The following MCF2L2 variants were observed in gnomAD, a reference collection of about 807,000 sequenced individuals.
MCF2L2 encodes probable guanine nucleotide exchange factor MCF2L2.
Under a neutral mutation model 150.2 loss-of-function variants are expected in MCF2L2, and 102 were observed. That is an observed-to-expected ratio of 0.68 (90% CI 0.58 to 0.80). MCF2L2 has a LOEUF of 0.80. Ranked by LOEUF, MCF2L2 falls within the 30% of genes least tolerant of loss-of-function variation. The pLI, the probability that MCF2L2 is intolerant of heterozygous loss-of-function variation, is 0.00. For synonymous variants in MCF2L2, 465 were observed against 491.3 expected (o/e 0.95, Z 0.71); for missense variants, 1,256 against 1,372.8 (o/e 0.91, Z 1.34).
chr3:183,270,731 T>C lies in MCF2L2; in HGVS notation c.1862+6141A>G. ...TTTCTGGAGAGGGTAAAACTCCTTA[T>C]CATCCCTGCATCTATGAAAAAATGA... On this transcript the variant is annotated intron_variant, in intron 15 of 29. Coordinates refer to ENST00000328913, the MANE Select transcript of MCF2L2 (RefSeq NM_015078.4). This position sits in a 1 kb window ranked among gnomAD's most constrained non-coding sequence, Gnocchi z 4.5. The C allele has an allele frequency of 6.2e-7, 1 of 1,613,734 alleles. No homozygotes were observed. Among genetic ancestry groups the C allele is most frequent in the African/African-American group, 1.3e-5 (1 of 74,988 alleles).
At chr3:183,423,031 T>G (rs948919404) in intron 1 of MCF2L2, among the ~76,000 whole-genome samples, 3 of 152,220 alleles carry the variant, frequency 2.0e-5, no homozygotes, top group Admixed American at 6.5e-5. Context: ...TGTCGATCAA[T>G]TTTTTTAGGG....
chr3:183,427,714 C>T (rs1438239333), intron 1 of MCF2L2, among the ~76,000 whole-genome samples, 188 bp downstream of exon 1: 1 of 152,010 alleles, frequency 6.6e-6, no homozygotes, highest in Non-Finnish European at 1.5e-5. Flanking sequence ...CCACCAGCGG[C>T]GCGCCCCAGG....
chr3:183,375,598 T>C (rs368266060), intron 3 of MCF2L2: 4 of 152,164 alleles, frequency 2.6e-5, no homozygotes, highest in East Asian at 1.9e-4. Context: ...TGGGCTCTCA[T>C]AGAGGTCTGC....
rs116440395 is a variant in MCF2L2, at chr3:183,192,555, A to G, written c.3016+444T>C. The G allele has an allele frequency of 4.8e-3, 742 of 154,998 alleles. 3 individuals are homozygous for G. Among genetic ancestry groups the G allele is most frequent in the African/African-American group, 0.017 (720 of 41,676 alleles). 9.6% of individuals were successfully genotyped at this position (154,998 alleles called of 1,614,324 possible). On this transcript the variant is annotated intron_variant, in intron 27 of 29. Transcript: ENST00000328913. ...CTAAGGCTGGCGGGGTGGGGAGCAC[A>G]GACAGCAGGGACACCCTGGACAAGG...
At chr3:183,222,379 G>T (rs528621310) in intron 20 of MCF2L2, among the ~76,000 whole-genome samples, 1 of 152,064 alleles carries the variant, frequency 6.6e-6, no homozygotes, top group Non-Finnish European at 1.5e-5. Context: ...GTGAAACCCC[G>T]TCTCTACTAA....
chr3:183,402,284 A>G (rs1714796727), intron 1 of MCF2L2, among the ~76,000 whole-genome samples: 1 of 127,604 alleles, frequency 7.8e-6, no homozygotes. Context: ...TCTACTAAAA[A>G]TGCAAAAAAA....
At chr3:183,388,969 A>G (rs1713983272) in intron 2 of MCF2L2, among the ~76,000 whole-genome samples, 1 of 152,160 alleles carries the variant, frequency 6.6e-6, no homozygotes, top group Non-Finnish European at 1.5e-5. Flanking sequence ...AACAGATGTA[A>G]AAGTTGAAAA....
At chr3:183,328,545 C>T (rs1047371257) in intron 5 of MCF2L2, among the ~76,000 whole-genome samples, 1 of 150,270 alleles carries the variant, frequency 6.7e-6, no homozygotes, top group African/African-American at 2.4e-5. Flanking sequence ...GCAGCCTACA[C>T]ATTAGTTGTC....
At chr3:183,231,159 C>T in intron 15 of MCF2L2, 142 bp from the exon 16 acceptor site, 1 of 713,178 alleles carries the variant, frequency 1.4e-6, no homozygotes, top group South Asian at 1.5e-5. Context: ...TCAGTTCATT[C>T]TGTTCTATTG....
At chr3:183,350,700 C>A (rs61537238) in intron 3 of MCF2L2, among the ~76,000 whole-genome samples, 1 of 152,188 alleles carries the variant, frequency 6.6e-6, no homozygotes, top group South Asian at 2.1e-4. Context: ...GTCAGGAGAT[C>A]GAGACCATCC....
intron 15 of MCF2L2, among the ~76,000 whole-genome samples, chr3:183,242,745 G>A (rs1205114305): frequency 6.6e-6 from 1 of 152,184 alleles, no homozygotes; most frequent in African/African-American, 2.4e-5. Flanking sequence ...GGAGCTGTGA[G>A]AAGAGGGACA....
At chr3:183,269,788 C>G in intron 15 of MCF2L2, 1 of 1,590,378 alleles carries the variant, frequency 6.3e-7, no homozygotes, top group Non-Finnish European at 8.6e-7. Flanking sequence ...TAAAAACAGA[C>G]TTGAGTGGAT....
chr3:183,278,794 G>C (rs905671322), intron 14 of MCF2L2, among the ~76,000 whole-genome samples: 6 of 152,170 alleles, frequency 3.9e-5, no homozygotes, highest in African/African-American at 1.4e-4. Context: ...AAATAACAAT[G>C]ATTCAGGAGT....
At chr3:183,342,256 A>AT (rs1325040484) in intron 3 of MCF2L2, among the ~76,000 whole-genome samples, 2 of 151,992 alleles carry the variant, frequency 1.3e-5, no homozygotes, top group Non-Finnish European at 1.5e-5. Flanking sequence ...AAGTGAAAAC[A>AT]TTTTTTTTCT....
intron 17 of MCF2L2, among the ~76,000 whole-genome samples, chr3:183,228,638 A>T (rs963403277): frequency 6.6e-6 from 1 of 152,214 alleles, no homozygotes; most frequent in Admixed American, 6.5e-5. Context: ...GAGAAGAACT[A>T]GTTGGGAAAG....
intron 15 of MCF2L2, among the ~76,000 whole-genome samples, chr3:183,269,014 T>TA (rs1258675593): frequency 4.0e-5 from 6 of 150,780 alleles, no homozygotes; most frequent in Middle Eastern, 3.4e-3. Context: ...AACCTTAATT[T>TA]AAAAAAAAAG....
intron 1 of MCF2L2, among the ~76,000 whole-genome samples, chr3:183,405,395 T>C (rs760528470): frequency 2.6e-5 from 4 of 152,230 alleles, no homozygotes; most frequent in African/African-American, 9.6e-5. Context: ...TACAGTTCTA[T>C]GAGTTTTGAC....
chr3:183,216,077 G>A lies in MCF2L2; in HGVS notation c.2388C>T (p.Thr796=), dbSNP rs1251836406. ...GTTCAGTTGAGAATGCTGAATCTTT[G>A]GTTCTCTTTGGCCCATCCTGTGGAA... ...GGSAKDGPKR[T]KDSAFSTELQ... Residue 796 remains threonine (T), a synonymous_variant, in exon 22 of 30, where the codon ACC becomes ACT. Coordinates refer to ENST00000328913, the MANE Select transcript of MCF2L2 (RefSeq NM_015078.4). 3 of 1,613,560 alleles carry A rather than the reference G, an allele frequency of 1.9e-6. No homozygotes were observed. Among genetic ancestry groups the A allele is most frequent in the Non-Finnish European group, 1.7e-6 (2 of 1,179,766 alleles).
At chr3:183,224,432 G>T (rs539976393) in intron 18 of MCF2L2, 31 of 413,782 alleles carry the variant, frequency 7.5e-5, no homozygotes, top group East Asian at 7.3e-4. Flanking sequence ...ATCTACAAGG[G>T]CTATTGGTAA....
Sources: allele counts gnomAD v4.1 joint callset (sites outside exome capture counted in the v4.1 genomes callset), GRCh38; gene constraint gnomAD v4.1.1; non-coding constraint Gnocchi (gnomAD v3.1); transcripts MANE v1.5; gene names NCBI Gene and HGNC (gene_info 2026-07-23, HGNC 2026-07-21).